ATP8A2: variants seen among roughly 807,000 people sequenced by gnomAD.
The protein encoded by ATP8A2 is phospholipid-transporting ATPase IB.
A neutral mutation model predicts 165.6 loss-of-function variants in ATP8A2; 100 were observed. That is an observed-to-expected ratio of 0.60 (90% confidence interval 0.51 to 0.71). The LOEUF is 0.71. ATP8A2 is among the 30% of genes least tolerant of loss of function. ATP8A2 has a pLI of 0.00. For synonymous variants in ATP8A2, 543 were observed against 548.8 expected, an observed-to-expected ratio of 0.99 and a Z score of 0.15; for missense variants, 1,227 against 1,479.5, an observed-to-expected ratio of 0.83 and a Z score of 2.80.
Position 25,880,956 on chromosome 13 carries a change from T to C in ATP8A2, c.3183+18548T>C. 6.6e-6 allele frequency: 3 copies of C among 456,568 alleles called. No homozygotes were observed. In the Middle Eastern group the frequency reaches 9.7e-4, roughly 148 times the overall value. 28.3% of individuals were successfully genotyped at this position (456,568 alleles called of 1,614,324 possible). A position where few individuals can be genotyped will look rare whatever the true frequency, so the allele number is the denominator to read the frequency against. On this transcript the variant is annotated intron_variant, in intron 33 of 36. Transcript: ENST00000381655. ...CTGTGCAAAATTCAGCATGAAAGCC[T>C]TTCTCTGTTGAAGCAGCCAAAGATT...
At chr13:25,726,028 A>C (rs543932105) in intron 25 of ATP8A2, among the ~76,000 whole-genome samples, 1 of 152,248 alleles carries the variant, frequency 6.6e-6, no homozygotes, top group Non-Finnish European at 1.5e-5. Context: ...GTTTACCTTT[A>C]GTATGTAGAT....
At chr13:25,731,231 A>G (rs1329045466) in intron 25 of ATP8A2, among the ~76,000 whole-genome samples, 1 of 150,280 alleles carries the variant, frequency 6.7e-6, no homozygotes, top group Admixed American at 6.6e-5. Context: ...AGAAAGAAGG[A>G]AAGAGAGAGA....
intron 24 of ATP8A2, among the ~76,000 whole-genome samples, chr13:25,618,376 C>T (rs751220350): frequency 7.2e-5 from 11 of 152,056 alleles, no homozygotes; most frequent in Non-Finnish European, 1.3e-4. Flanking sequence ...GCTGGTTGTT[C>T]ATGCCGGGTG....
chr13:25,952,190 C>T (rs1955385736), intron 33 of ATP8A2, among the ~76,000 whole-genome samples: 1 of 152,134 alleles, frequency 6.6e-6, no homozygotes, highest in Admixed American at 6.5e-5. Context: ...ACTGAGATGC[C>T]TTCCTGTTTG....
At chr13:25,504,015 G>A (rs751602485) in intron 2 of ATP8A2, among the ~76,000 whole-genome samples, 2 of 152,136 alleles carry the variant, frequency 1.3e-5, no homozygotes, top group South Asian at 2.1e-4. Flanking sequence ...TGAACTCCTC[G>A]AGCTGCAAGA....
chr13:25,871,121 T>C, intron 33 of ATP8A2: 1 of 330,324 alleles, frequency 3.0e-6, no homozygotes, highest in Non-Finnish European at 5.9e-6. Flanking sequence ...TTTTTTTTTT[T>C]CTTCAGAGGT....
rs148836343 is a variant in ATP8A2, at chr13:26,001,900, T to G, written c.3378-10631T>G. On this transcript the variant is annotated intron_variant, in intron 35 of 36. Transcript: ENST00000381655. ...AAGTCCCATTTATCTGTCTTTTATTTTGTTACTTGCATTTGGCCATTGCCA... is the reference window on the plus strand; with the variant it reads ...AAGTCCCATTTATCTGTCTTTTATTGTGTTACTTGCATTTGGCCATTGCCA... Among the ~76,000 whole-genome samples the G allele has an allele frequency of 1.3e-3, 202 of 152,360 alleles. 3 individuals are homozygous for G. The East Asian group carries it at 0.033, about 25-fold the overall frequency.
chr13:25,617,996 A>T (rs1247907216), intron 24 of ATP8A2, among the ~76,000 whole-genome samples: 1 of 152,162 alleles, frequency 6.6e-6, no homozygotes, highest in Admixed American at 6.5e-5. Context: ...GTAGTGTAAA[A>T]TTGTATTTAG....
intron 33 of ATP8A2, among the ~76,000 whole-genome samples, chr13:25,896,843 C>G (rs1953568843): frequency 6.6e-6 from 1 of 152,122 alleles, no homozygotes; most frequent in Non-Finnish European, 1.5e-5. Context: ...TTATCAGAGA[C>G]TAGGATTGCA....
chr13:25,515,446 G>T (rs1478960348), intron 2 of ATP8A2, among the ~76,000 whole-genome samples: 1 of 152,210 alleles, frequency 6.6e-6, no homozygotes, highest in Non-Finnish European at 1.5e-5. Flanking sequence ...TTCCTGCCTC[G>T]CAGGCCAGGG....
At chr13:25,920,058 GA>G (rs1162009158) in intron 33 of ATP8A2, among the ~76,000 whole-genome samples, 4 of 152,178 alleles carry the variant, frequency 2.6e-5, no homozygotes, top group African/African-American at 9.7e-5. Flanking sequence ...AAAGTGCCAG[GA>G]CTACAGGTGT....
chr13:25,659,230 G>A (rs116317904), intron 24 of ATP8A2, among the ~76,000 whole-genome samples: 1,566 of 152,246 alleles, frequency 0.01, 25 homozygotes, highest in African/African-American at 0.035. Flanking sequence ...AATCTATTTA[G>A]AAAAAGTTCT....
intron 23 of ATP8A2, among the ~76,000 whole-genome samples, chr13:25,583,810 C>T (rs768921268): frequency 6.6e-6 from 1 of 151,148 alleles, no homozygotes; most frequent in Non-Finnish European, 1.5e-5. Context: ...TTAAAAATAA[C>T]GATTGTATTA....
chr13:25,432,389 G>A (rs2034640710), intron 1 of ATP8A2, among the ~76,000 whole-genome samples: 1 of 152,174 alleles, frequency 6.6e-6, no homozygotes, highest in Admixed American at 6.5e-5. Context: ...GATGTCTCTG[G>A]GGACCCTGGC....
At chr13:25,642,595 A>G (rs2041557606) in intron 24 of ATP8A2, among the ~76,000 whole-genome samples, 1 of 152,222 alleles carries the variant, frequency 6.6e-6, no homozygotes, top group Non-Finnish European at 1.5e-5. Context: ...AGGAAACAAC[A>G]GGTGCTGGAC....
chr13:25,655,303 G>A (rs914328688), intron 24 of ATP8A2, among the ~76,000 whole-genome samples: 1 of 152,282 alleles, frequency 6.6e-6, no homozygotes, highest in African/African-American at 2.4e-5. Context: ...GGGATTACAG[G>A]CATCTGCCAC....
chr13:25,801,780 A>G (rs920069064), intron 27 of ATP8A2, among the ~76,000 whole-genome samples: 2 of 152,186 alleles, frequency 1.3e-5, no homozygotes, highest in African/African-American at 4.8e-5. Flanking sequence ...TTACAAAGGA[A>G]AGAGGTTTAA....
intron 35 of ATP8A2, among the ~76,000 whole-genome samples, chr13:25,983,500 A>T (rs1229457038): frequency 6.6e-6 from 1 of 152,206 alleles, no homozygotes; most frequent in Non-Finnish European, 1.5e-5. Flanking sequence ...ATAAGTTTTT[A>T]AAAATGCCTG....
intron 8 of ATP8A2, among the ~76,000 whole-genome samples, chr13:25,541,163 C>G (rs2038464356): frequency 1.3e-5 from 2 of 151,994 alleles, no homozygotes; most frequent in Admixed American, 1.3e-4. Flanking sequence ...CTGCACCTGG[C>G]CAAGAATGAA....
Sources: gnomAD v4.1 joint callset for allele counts (sites outside exome capture counted in the v4.1 genomes callset) on GRCh38, gnomAD v4.1.1 for gene constraint, MANE v1.5 for transcripts, NCBI Gene and HGNC (gene_info 2026-07-23, HGNC 2026-07-21) for gene names.